CNOT4: variants seen among roughly 807,000 people sequenced by gnomAD.
CNOT4 encodes the protein CCR4-associated factor 4.
In CNOT4, 8 loss-of-function variants were observed where a neutral mutation model predicts 73.8. The ratio of observed to expected loss-of-function variants is 0.11; its 90% CI spans 0.06 to 0.20. The LOEUF is 0.20. Ranked by LOEUF, CNOT4 falls within the 10% of genes least tolerant of loss-of-function variation. CNOT4 has a pLI of 1.00. For synonymous variants in CNOT4, 293 were observed against 321.1 expected (o/e 0.91, Z 0.94); for missense variants, 564 against 883.4 (o/e 0.64, Z 4.58).
At chr7:135,492,467 A>G (rs574862502) in intron 1 of CNOT4, among the ~76,000 whole-genome samples, 1 of 152,352 alleles carries the variant, frequency 6.6e-6, no homozygotes, top group East Asian at 1.9e-4. Context: ...AAGGAAATCA[A>G]CGGGGCAAGG....
chr7:135,366,203 C>T (rs1794903353), intron 10 of CNOT4, among the ~76,000 whole-genome samples: 1 of 152,150 alleles, frequency 6.6e-6, no homozygotes, highest in Non-Finnish European at 1.5e-5. Flanking sequence ...TAACTCAGAA[C>T]AATCTGCTCC....
intron 1 of CNOT4, among the ~76,000 whole-genome samples, chr7:135,481,520 T>C (rs1802380939): frequency 6.6e-6 from 1 of 152,218 alleles, no homozygotes; most frequent in Non-Finnish European, 1.5e-5. Flanking sequence ...ATACAACTAC[T>C]ATGAAAAACA....
At chr7:135,472,124 G>A (rs1235400489) in intron 1 of CNOT4, among the ~76,000 whole-genome samples, 4 of 151,674 alleles carry the variant, frequency 2.6e-5, no homozygotes, top group South Asian at 2.1e-4. Flanking sequence ...AGTGAGCTGA[G>A]ATCACACCAC....
At chr7:135,377,910 A>G (rs7780351) in intron 10 of CNOT4, among the ~76,000 whole-genome samples, 143,042 of 152,204 alleles carry the variant, frequency 0.94, 67,275 homozygotes, top group East Asian at 1. Context: ...AATCAGAAAC[A>G]GCAATATTCT....
chr7:135,451,428 G>T (rs1563058180), intron 1 of CNOT4, among the ~76,000 whole-genome samples: 1 of 151,922 alleles, frequency 6.6e-6, no homozygotes, highest in Non-Finnish European at 1.5e-5. Flanking sequence ...CTAGTAGCTG[G>T]GATTACAGGC....
At chr7:135,388,675 C>A in intron 10 of CNOT4, 1 of 1,367,484 alleles carries the variant, frequency 7.3e-7, no homozygotes, top group South Asian at 2.1e-5. Context: ...GCATGAGGAA[C>A]GTTTATATTG....
At chr7:135,468,870 T>A (rs1430115816) in intron 1 of CNOT4, among the ~76,000 whole-genome samples, 1 of 152,086 alleles carries the variant, frequency 6.6e-6, no homozygotes, top group Non-Finnish European at 1.5e-5. Flanking sequence ...TTTTTAATAT[T>A]TACCTTCCAT....
intron 10 of CNOT4, chr7:135,388,629 T>A: frequency 8.0e-7 from 1 of 1,255,288 alleles, no homozygotes; most frequent in Non-Finnish European, 1.0e-6. Flanking sequence ...AATGAAGAAA[T>A]ACTTCAACAA....
Position 135,438,384 on chromosome 7 carries a change from A to T in CNOT4, c.-53T>A. On this transcript the variant is annotated 5_prime_UTR_variant, in exon 2 of 12. Coordinates refer to ENST00000541284, the MANE Select transcript of CNOT4 (RefSeq NM_001190850.2). ...GTTTATAATAATTTAAGGGAGAAGG[A>T]AGTTCAGCACTGAAAGCTAAAATGT... 1 of 1,472,914 alleles carries T rather than the reference A, an allele frequency of 6.8e-7. No homozygotes were observed. Among genetic ancestry groups the T allele is most frequent in the Non-Finnish European group, 9.1e-7 (1 of 1,093,208 alleles). The allele number at this position is 1,472,914 out of a possible 1,614,324, so 91.2% of individuals were successfully genotyped here.
chr7:135,500,619 T>C (rs1286044620), intron 1 of CNOT4, among the ~76,000 whole-genome samples: 1 of 152,174 alleles, frequency 6.6e-6, no homozygotes, highest in Non-Finnish European at 1.5e-5. Flanking sequence ...CATTTCACAA[T>C]CTCCCTGTAT....
At chr7:135,404,845 A>T (rs990252598) in intron 7 of CNOT4, among the ~76,000 whole-genome samples, 3 of 152,188 alleles carry the variant, frequency 2.0e-5, no homozygotes, top group Admixed American at 6.5e-5. Flanking sequence ...TGGCTCAGGG[A>T]AAGTTTGCTA....
At chr7:135,400,457 C>T (rs1585587255) in intron 7 of CNOT4, among the ~76,000 whole-genome samples, 1 of 151,986 alleles carries the variant, frequency 6.6e-6, no homozygotes, top group Non-Finnish European at 1.5e-5. Flanking sequence ...AAAGATATTA[C>T]AAAGGACGAT....
chr7:135,379,599 T>G (rs1233880041), intron 10 of CNOT4, among the ~76,000 whole-genome samples: 1 of 152,116 alleles, frequency 6.6e-6, no homozygotes, highest in African/African-American at 2.4e-5. Flanking sequence ...TGTGTATATA[T>G]ATATCAGCCA....
chr7:135,472,514 A>T (rs12111853), intron 1 of CNOT4, among the ~76,000 whole-genome samples: 9 of 19,826 alleles, frequency 4.5e-4, no homozygotes, highest in Non-Finnish European at 5.0e-4. Flanking sequence ...AAAAAAAAAA[A>T]ATATATATAT....
intron 1 of CNOT4, among the ~76,000 whole-genome samples, chr7:135,453,579 A>T (rs1284898430): frequency 2.0e-5 from 3 of 151,844 alleles, no homozygotes; most frequent in African/African-American, 7.3e-5. Context: ...GACATGGAGG[A>T]AGCGTACAGT....
chr7:135,427,256 T>C (rs1585627389), intron 2 of CNOT4, among the ~76,000 whole-genome samples: 1 of 152,192 alleles, frequency 6.6e-6, no homozygotes, highest in East Asian at 1.9e-4. Context: ...TTACTTTTTA[T>C]TAAACTTGCT....
intron 1 of CNOT4, among the ~76,000 whole-genome samples, chr7:135,501,940 G>A (rs1054998467): frequency 1.3e-5 from 2 of 152,192 alleles, no homozygotes; most frequent in Non-Finnish European, 2.9e-5. Flanking sequence ...AGGTGATTAG[G>A]CTATGAGGGC....
chr7:135,483,102 A>T (rs1249864622), intron 1 of CNOT4, among the ~76,000 whole-genome samples: 1 of 151,698 alleles, frequency 6.6e-6, no homozygotes, highest in African/African-American at 2.4e-5. Context: ...TGGGAGGCCA[A>T]GGCAGGAGGA....
At chr7:135,461,068 T>G (rs760704629) in intron 1 of CNOT4, among the ~76,000 whole-genome samples, 15 of 152,218 alleles carry the variant, frequency 9.9e-5, no homozygotes, top group Non-Finnish European at 2.1e-4. Context: ...CTGCAGGGCA[T>G]AGTTTGCCAA....
Sources: allele counts gnomAD v4.1 joint callset (sites outside exome capture counted in the v4.1 genomes callset), GRCh38; gene constraint gnomAD v4.1.1; transcripts MANE v1.5; gene names NCBI Gene and HGNC (gene_info 2026-07-23, HGNC 2026-07-21).